The following YBEY variants were observed in gnomAD, a reference collection of about 807,000 sequenced individuals.
The protein encoded by YBEY is endoribonuclease YbeY.
A neutral mutation model predicts 13.5 loss-of-function variants in YBEY; 15 were observed. That is an observed-to-expected ratio of 1.11 (90% CI 0.75 to 1.72). The LOEUF (loss-of-function observed/expected upper bound fraction) is 1.72, where lower values mean the gene tolerates loss of function less well. Among genes scored for constraint, YBEY ranks in the 40% most tolerant of loss-of-function variants. The pLI is 0.00. For missense variants in YBEY, 244 were observed against 208.4 expected, an observed-to-expected ratio of 1.17 and a Z score of -1.05; for synonymous variants, 101 against 83.1, an observed-to-expected ratio of 1.21 and a Z score of -1.17.
At chr21:46,293,369 C>T (rs1431526874) in intron 3 of YBEY, among the ~76,000 whole-genome samples, 37 of 40,994 alleles carry the variant, frequency 9.0e-4, no homozygotes, top group African/African-American at 2.9e-3. Flanking sequence ...GAGTCAGCCA[C>T]GCAAGTTAGA....
chr21:46,301,682 G>T (rs2082112315), downstream of YBEY: 1 of 1,144,220 alleles, frequency 8.7e-7, no homozygotes, highest in East Asian at 4.3e-5. Context: ...GGAAGAGGGG[G>T]ATCTGAGGCT....
chr21:46,290,331 G>A (rs572797390), intron 2 of YBEY, among the ~76,000 whole-genome samples: 45 of 152,070 alleles, frequency 3.0e-4, no homozygotes, highest in African/African-American at 9.4e-4. Flanking sequence ...TCAGCCTCCC[G>A]AGTAGCTGGG....
chr21:46,292,760 C>G (rs1061069), intron 3 of YBEY, among the ~76,000 whole-genome samples: 1 of 117,028 alleles, frequency 8.5e-6, no homozygotes, highest in African/African-American at 3.0e-5. Context: ...GTGCCCGGGA[C>G]TCAGTGGAGT....
At chr21:46,298,565 G>A, downstream of YBEY, among the ~76,000 whole-genome samples, 1 of 151,394 alleles carries the variant, frequency 6.6e-6, no homozygotes, top group Non-Finnish European at 1.5e-5. Flanking sequence ...GAGTAGCTGG[G>A]ACTACAGGCG....
At chr21:46,296,113 A>G in intron 3 of YBEY, 49 bp from the exon 4 acceptor site, 1 of 1,609,650 alleles carries the variant, frequency 6.2e-7, no homozygotes, top group Non-Finnish European at 8.5e-7. Flanking sequence ...CTGAAGGGGC[A>G]GGTTCCTGTG....
chr21:46,307,450 A>C, the YBEY span, among the ~76,000 whole-genome samples: 3 of 149,458 alleles, frequency 2.0e-5, no homozygotes, highest in Non-Finnish European at 2.9e-5. Context: ...ACACACACCC[A>C]CACACACACC....
chr21:46,301,024 G>A (rs1286109122), downstream of YBEY: 5 of 986,308 alleles, frequency 5.1e-6, no homozygotes, highest in Non-Finnish European at 6.3e-6. Context: ...TGCTTTACAG[G>A]AACAAGAGCT....
At chr21:46,292,426 C>G (rs369338261) in intron 3 of YBEY, among the ~76,000 whole-genome samples, 2 of 152,158 alleles carry the variant, frequency 1.3e-5, no homozygotes, top group African/African-American at 4.8e-5. Flanking sequence ...GAGGTGGCTT[C>G]GGTCTTGAGC....
At chr21:46,297,406 G>T in intron 4 of YBEY, 133 bp from the exon 5 acceptor site, 1 of 824,860 alleles carries the variant, frequency 1.2e-6, no homozygotes, top group Non-Finnish European at 1.6e-6. Flanking sequence ...TCCCGCCTTC[G>T]GCCTGAGCTA....
chr21:46,286,867 C>T lies in YBEY; in HGVS notation c.-44-3C>T. The T allele has an allele frequency of 6.3e-7, 1 of 1,592,992 alleles. No homozygotes were observed. The highest frequency in any genetic ancestry group is 8.6e-7 in the Non-Finnish European group (1 of 1,162,686). On this transcript the variant is annotated splice_polypyrimidine_tract_variant and splice_region_variant and intron_variant, in intron 1 of 4. Coordinates refer to ENST00000397701, the MANE Select transcript of YBEY (RefSeq NM_001314025.2). ...TTGGTCTTCTCTTACACTTTAACCCCAGGTTCCGTTGCAAACATTTTTAAA... is the reference window on the plus strand; with the variant it reads ...TTGGTCTTCTCTTACACTTTAACCCTAGGTTCCGTTGCAAACATTTTTAAA...
downstream of YBEY, chr21:46,301,838 G>A (rs1208378018): frequency 9.5e-6 from 12 of 1,268,242 alleles, no homozygotes; most frequent in Non-Finnish European, 9.9e-6. Context: ...AAGCGAGCCT[G>A]CCCAGCTTCC....
intron 3 of YBEY, 71 bp from the exon 4 acceptor site, chr21:46,296,091 C>G: frequency 6.4e-7 from 1 of 1,569,886 alleles, no homozygotes; most frequent in East Asian, 2.2e-5. Flanking sequence ...AGCCTGTGGC[C>G]CTGGGGTGGC....
chr21:46,290,286 A>C (rs1259047129), intron 2 of YBEY, among the ~76,000 whole-genome samples: 5 of 150,768 alleles, frequency 3.3e-5, no homozygotes, highest in South Asian at 4.2e-4. Flanking sequence ...GCTCACTGCA[A>C]CCTCCGCCTC....
the YBEY span, chr21:46,312,975 G>GA: frequency 1.0e-6 from 1 of 985,254 alleles, no homozygotes; most frequent in Non-Finnish European, 1.2e-6. Context: ...ATTCGAGCAT[G>GA]AAAGGCCTTC....
chr21:46,294,469 GGGACAGCCACGCA>G (rs1363269253), intron 3 of YBEY, among the ~76,000 whole-genome samples: 5 of 70,254 alleles, frequency 7.1e-5, no homozygotes, highest in East Asian at 4.0e-4. Flanking sequence ...GGACTCAGTG[GGGACAGCCACGCA>G]AGTTAGACTC....
intron 4 of YBEY, 97 bp downstream of exon 4, chr21:46,296,327 CG>C: frequency 7.1e-7 from 1 of 1,402,074 alleles, no homozygotes; most frequent in Non-Finnish European, 9.9e-7. Flanking sequence ...TGACCGCCCC[CG>C]CAGGAACTGG....
At chr21:46,289,935 T>TTG (rs1555918478) in intron 2 of YBEY, among the ~76,000 whole-genome samples, 58 of 64,394 alleles carry the variant, frequency 9.0e-4, no homozygotes, top group East Asian at 3.7e-3. Flanking sequence ...GGTTGCAGTT[T>TTG]TGTGTGTGTG....
At chr21:46,291,019 G>GTAA in intron 2 of YBEY, among the ~76,000 whole-genome samples, 1 of 130,000 alleles carries the variant, frequency 7.7e-6, no homozygotes, top group Admixed American at 7.8e-5. Context: ...TCTGTCTCAG[G>GTAA]AAAAAAAAAA....
intron 2 of YBEY, among the ~76,000 whole-genome samples, chr21:46,288,404 G>A (rs2081554242): frequency 1.3e-5 from 2 of 152,204 alleles, no homozygotes. Flanking sequence ...GAGGCCGGGT[G>A]CAGTGGCTCA....
Sources: allele counts gnomAD v4.1 joint callset (sites outside exome capture counted in the v4.1 genomes callset), GRCh38; gene constraint gnomAD v4.1.1; transcripts MANE v1.5; gene names NCBI Gene and HGNC (gene_info 2026-07-23, HGNC 2026-07-21).